The following CPNE4 variants were observed in gnomAD, a reference collection of about 807,000 sequenced individuals.
CPNE4 encodes copine-4.
A neutral mutation model predicts 67.9 loss-of-function variants in CPNE4; 25 were observed. The ratio of observed to expected loss-of-function variants is 0.37; its 90% CI spans 0.27 to 0.51. The LOEUF (loss-of-function observed/expected upper bound fraction) is 0.51. Among genes scored for constraint, CPNE4 ranks in the 20% least tolerant of loss-of-function variants. The pLI is 0.93. For missense variants in CPNE4, 464 were observed against 690.8 expected, an observed-to-expected ratio of 0.67 and a Z score of 3.68; for synonymous variants, 242 against 244.9, an observed-to-expected ratio of 0.99 and a Z score of 0.11.
intron 7 of CPNE4, among the ~76,000 whole-genome samples, chr3:131,589,340 C>T (rs772648503): frequency 4.6e-5 from 7 of 152,148 alleles, no homozygotes; most frequent in Non-Finnish European, 1.0e-4. Flanking sequence ...ATTCTGATGT[C>T]CAAGGGCAGA....
chr3:131,962,813 C>CA (rs997054752), intron 1 of CPNE4, among the ~76,000 whole-genome samples: 33 of 148,018 alleles, frequency 2.2e-4, no homozygotes, highest in East Asian at 7.9e-4. Flanking sequence ...GTCCCTGATT[C>CA]AAAAAAAAAA....
At chr3:131,929,559 C>T (rs1583468372) in intron 1 of CPNE4, among the ~76,000 whole-genome samples, 1 of 143,286 alleles carries the variant, frequency 7.0e-6, no homozygotes, top group East Asian at 2.1e-4. Flanking sequence ...TTCACAGGGC[C>T]TCTGTTAGAC....
chr3:131,969,704 C>A (rs948205006), intron 1 of CPNE4, among the ~76,000 whole-genome samples: 47 of 152,068 alleles, frequency 3.1e-4, no homozygotes, highest in Non-Finnish European at 6.8e-4. Context: ...TAAAGTGACT[C>A]CAAAATACAA....
intron 1 of CPNE4, among the ~76,000 whole-genome samples, chr3:131,908,233 GATT>G (rs1272875388): frequency 3.3e-5 from 5 of 152,114 alleles, no homozygotes; most frequent in Admixed American, 1.3e-4. Flanking sequence ...AAAATGCACA[GATT>G]ATAAGTCTAT....
intron 7 of CPNE4, among the ~76,000 whole-genome samples, chr3:131,599,434 A>G (rs1939080951): frequency 6.6e-6 from 1 of 152,160 alleles, no homozygotes; most frequent in Admixed American, 6.5e-5. Flanking sequence ...TTAAAAGAAA[A>G]CCTTTCATTT....
chr3:131,565,901 G>A (rs1405610032), intron 10 of CPNE4, among the ~76,000 whole-genome samples: 1 of 151,662 alleles, frequency 6.6e-6, no homozygotes, highest in African/African-American at 2.4e-5. Context: ...GATAACAAAG[G>A]AAAGAAGAGA....
At chr3:131,610,722 T>A (rs1038901910) in intron 7 of CPNE4, among the ~76,000 whole-genome samples, 1 of 152,198 alleles carries the variant, frequency 6.6e-6, no homozygotes, top group African/African-American at 2.4e-5. Context: ...GGAAACACTT[T>A]CACATGAATC....
At chr3:131,600,885 T>C (rs1479477666) in intron 7 of CPNE4, among the ~76,000 whole-genome samples, 1 of 152,234 alleles carries the variant, frequency 6.6e-6, no homozygotes, top group African/African-American at 2.4e-5. Flanking sequence ...TTCTAGACTC[T>C]CTGGCTGTGG....
At chr3:132,027,240 C>T (rs2074132039) in intron 1 of CPNE4, among the ~76,000 whole-genome samples, 1 of 152,062 alleles carries the variant, frequency 6.6e-6, no homozygotes, top group Admixed American at 6.6e-5. Context: ...AACCCCAGGC[C>T]CAGGAGTGAA....
At chr3:131,945,502 A>G (rs2071526859) in intron 1 of CPNE4, among the ~76,000 whole-genome samples, 1 of 152,216 alleles carries the variant, frequency 6.6e-6, no homozygotes, top group Admixed American at 6.5e-5. Flanking sequence ...AGCCCAATGC[A>G]GAACTCCTTT....
chr3:131,890,222 C>T (rs1051757037), intron 2 of CPNE4, among the ~76,000 whole-genome samples: 13 of 151,746 alleles, frequency 8.6e-5, no homozygotes, highest in African/African-American at 3.1e-4. Flanking sequence ...ATATAATAAA[C>T]TCATAAAACA....
intron 1 of CPNE4, among the ~76,000 whole-genome samples, chr3:131,948,248 G>A (rs533663672): frequency 1.2e-4 from 18 of 152,186 alleles, no homozygotes; most frequent in African/African-American, 3.9e-4. Flanking sequence ...ATTGGATCAC[G>A]GGGGCAGTTT....
At chr3:131,682,701 G>A (rs1034384636) in intron 6 of CPNE4, among the ~76,000 whole-genome samples, 8 of 152,004 alleles carry the variant, frequency 5.3e-5, no homozygotes, top group African/African-American at 1.9e-4. Context: ...AAGTCAGCCA[G>A]GCTATGTCCT....
At chr3:131,856,119 A>G (rs1234899120) in intron 2 of CPNE4, among the ~76,000 whole-genome samples, 1 of 151,998 alleles carries the variant, frequency 6.6e-6, no homozygotes, top group Non-Finnish European at 1.5e-5. Context: ...ACAATCTGAT[A>G]CAAATAAAAG....
At chr3:131,897,013 G>C (rs1046149550) in intron 2 of CPNE4, among the ~76,000 whole-genome samples, 1 of 152,018 alleles carries the variant, frequency 6.6e-6, no homozygotes, top group Admixed American at 6.6e-5. Flanking sequence ...CTAACGGGCA[G>C]GAATATCAAT....
At chr3:131,748,577 C>G (rs1312323435) in intron 2 of CPNE4, among the ~76,000 whole-genome samples, 1 of 151,858 alleles carries the variant, frequency 6.6e-6, no homozygotes, top group Non-Finnish European at 1.5e-5. Context: ...TGGGAGATCT[C>G]CTTTTAAATA....
chr3:131,952,254 G>A lies in CPNE4; in HGVS notation c.-1-46810C>T, dbSNP rs934706814. ...GTGAGGAGCGCCTCTGCCCGGCCGC[G>A]AACCCGTATGGGAGGTGAAGAGCGT... On this transcript the variant is annotated intron_variant, in intron 1 of 15. Transcript: ENST00000429747. Among the ~76,000 whole-genome samples, 27 of 145,260 alleles carry A rather than the reference G, an allele frequency of 1.9e-4. 1 individual carries two copies. Among genetic ancestry groups the A allele is most frequent in the African/African-American group, 6.9e-4 (27 of 39,264 alleles).
At chr3:131,621,192 T>A (rs527798697) in intron 7 of CPNE4, among the ~76,000 whole-genome samples, 1 of 152,290 alleles carries the variant, frequency 6.6e-6, no homozygotes, top group East Asian at 1.9e-4. Flanking sequence ...CTGTTCCTTA[T>A]AACTGCCAGT....
intron 2 of CPNE4, among the ~76,000 whole-genome samples, chr3:131,797,812 T>C (rs895336151): frequency 3.3e-5 from 5 of 152,126 alleles, no homozygotes. Context: ...GAGGCCTGTC[T>C]ACAAGTGCAC....
Sources: gnomAD v4.1 joint callset for allele counts (sites outside exome capture counted in the v4.1 genomes callset) on GRCh38, gnomAD v4.1.1 for gene constraint, MANE v1.5 for transcripts, NCBI Gene and HGNC (gene_info 2026-07-23, HGNC 2026-07-21) for gene names.